The following ZFP82 variants were observed in gnomAD, a reference collection of about 807,000 sequenced individuals.
ZFP82 encodes the protein ZFP82 zinc finger protein, also known as zinc finger protein 82 homolog.
A neutral mutation model predicts 54.0 loss-of-function variants in ZFP82; 30 were observed. That is an observed-to-expected ratio of 0.56 (90% CI 0.42 to 0.75). The LOEUF is 0.75. Ranked by LOEUF, ZFP82 falls within the 30% of genes least tolerant of loss-of-function variation. ZFP82 has a pLI of 0.00. For synonymous variants in ZFP82, 194 were observed against 209.5 expected (o/e 0.93, Z 0.64); for missense variants, 500 against 636.8 (o/e 0.79, Z 2.31).
intron 4 of ZFP82, among the ~76,000 whole-genome samples, chr19:36,396,305 C>T (rs1200926943): frequency 1.3e-5 from 2 of 152,016 alleles, no homozygotes; most frequent in Non-Finnish European, 2.9e-5. Flanking sequence ...TCTCTTCAGC[C>T]CAGGAGTTCA....
At chr19:36,403,981 T>A (rs1002782471) in intron 4 of ZFP82, among the ~76,000 whole-genome samples, 1 of 152,212 alleles carries the variant, frequency 6.6e-6, no homozygotes, top group Admixed American at 6.5e-5. Context: ...CCAGCACACA[T>A]CTCCATCCCC....
chr19:36,395,236 TGAG>T (rs1014412458), intron 4 of ZFP82: 9 of 152,206 alleles, frequency 5.9e-5, no homozygotes, highest in African/African-American at 2.2e-4. Flanking sequence ...GCAAAGGTAT[TGAG>T]GAGTTCTACC....
rs987832155 is a variant in ZFP82 at position 36,393,671 on chromosome 19, T to G, written c.669A>C (p.Glu223Asp). 1.9e-6 allele frequency: 3 copies of G among 1,613,950 alleles called. No individual in the cohort carries two copies. The African/African-American group carries it at 4.0e-5, about 22-fold the overall frequency. The change falls in exon 5 of 5, where the codon GAA becomes GAC. Residue 223 changes from glutamate (E) to aspartate (D), a missense_variant. Physicochemically the swap from Glu to Asp is conservative, Grantham distance 45. Transcript: ENST00000392161. ...CACATTCCTTACATTCATAGAGTTT[T>G]TCACCAGAATGAAGTCTCTGATGTC... ...LTRHQRLHSG[E>D]KLYECKECGE...
At chr19:36,387,283 T>A, downstream of ZFP82, among the ~76,000 whole-genome samples, 1 of 152,142 alleles carries the variant, frequency 6.6e-6, no homozygotes, top group Admixed American at 6.5e-5. Flanking sequence ...ACGCTATAGT[T>A]TGAATGTGTC....
chr19:36,414,054 C>T (rs12979121), intron 1 of ZFP82, among the ~76,000 whole-genome samples: 7,816 of 151,996 alleles, frequency 0.051, 241 homozygotes, highest in Non-Finnish European at 0.066. Flanking sequence ...GTGCCCGCCA[C>T]CACGCCCGGC....
intron 4 of ZFP82, among the ~76,000 whole-genome samples, chr19:36,404,271 C>G (rs1044201158): frequency 6.6e-6 from 1 of 152,174 alleles, no homozygotes; most frequent in Non-Finnish European, 1.5e-5. Context: ...CATGGCAGGA[C>G]AGAAGGCTGG....
intron 1 of ZFP82, among the ~76,000 whole-genome samples, chr19:36,411,548 G>A (rs979789185): frequency 5.3e-5 from 8 of 152,024 alleles, no homozygotes; most frequent in Admixed American, 5.2e-4. Flanking sequence ...ATTCTACTTT[G>A]GGGATTAAAA....
At chr19:36,387,517 CAAG>C (rs1447786734), downstream of ZFP82, among the ~76,000 whole-genome samples, 1 of 152,152 alleles carries the variant, frequency 6.6e-6, no homozygotes, top group African/African-American at 2.4e-5. Context: ...GATGACGCAG[CAAG>C]AAGGTCCTTA....
chr19:36,411,119 G>GA (rs374764745), intron 1 of ZFP82, among the ~76,000 whole-genome samples: 2 of 41,834 alleles, frequency 4.8e-5, no homozygotes, highest in South Asian at 2.2e-3. Context: ...CTTGGACCTA[G>GA]GGGGGCGGAG....
intron 4 of ZFP82, chr19:36,394,965 TA>T (rs1233434859): frequency 6.6e-6 from 1 of 152,248 alleles, no homozygotes; most frequent in African/African-American, 2.4e-5. Flanking sequence ...GCTAAGCATA[TA>T]ATAGGTTTTA....
intron 1 of ZFP82, among the ~76,000 whole-genome samples, chr19:36,411,801 C>T (rs959593776): frequency 5.4e-5 from 8 of 148,218 alleles, no homozygotes. Flanking sequence ...GGAGGCGGAG[C>T]TTGCAGTGAG....
downstream of ZFP82, among the ~76,000 whole-genome samples, chr19:36,387,766 C>A (rs921563021): frequency 3.9e-5 from 6 of 152,174 alleles, no homozygotes; most frequent in African/African-American, 1.4e-4. Flanking sequence ...AGGCATGCGC[C>A]ACCATGCCTG....
At chr19:36,405,057 G>A (rs896729578) in intron 4 of ZFP82, among the ~76,000 whole-genome samples, 7 of 151,904 alleles carry the variant, frequency 4.6e-5, no homozygotes, top group East Asian at 1.9e-4. Flanking sequence ...GGTGGCACAC[G>A]CCCGTAAACC....
intron 4 of ZFP82, among the ~76,000 whole-genome samples, chr19:36,402,093 C>G (rs1422251456): frequency 6.6e-6 from 1 of 152,208 alleles, no homozygotes; most frequent in Non-Finnish European, 1.5e-5. Context: ...TGGATATTAT[C>G]TTATTCACTT....
rs1427003145 is a variant in ZFP82, at chr19:36,393,984, T to C, written c.356A>G (p.Asn119Ser). The C allele has an allele frequency of 7.4e-6, 12 of 1,613,416 alleles. No individual in the cohort carries two copies. Among genetic ancestry groups the C allele is most frequent in the Non-Finnish European group, 8.5e-7 (1 of 1,179,808 alleles). The change falls in exon 5 of 5, where the codon AAT becomes AGT. Residue 119 changes from asparagine to serine, a missense_variant. Transcript: ENST00000392161. ...AATTTTTCCTGTGGATTCCCAATCA[T>C]TTTTTAAAATGAGACCCTTAAGGCC... Reference protein sequence around the residue: ...NHGLKGLILKNDWESTGKIEG... With the variant: ...NHGLKGLILKSDWESTGKIEG...
chr19:36,408,422 T>C (rs966809487), intron 2 of ZFP82, among the ~76,000 whole-genome samples: 1 of 152,166 alleles, frequency 6.6e-6, no homozygotes, highest in Non-Finnish European at 1.5e-5. Context: ...CCCTACAATA[T>C]CTTTATCTTA....
intron 1 of ZFP82, among the ~76,000 whole-genome samples, chr19:36,413,439 T>C (rs774813237): frequency 6.6e-6 from 1 of 152,076 alleles, no homozygotes; most frequent in African/African-American, 2.4e-5. Context: ...TACGACAACC[T>C]GAAATCAAAT....
Position 36,408,078 on chromosome 19 carries a change from AAAG to A in ZFP82, c.10-68_10-66del, listed in dbSNP as rs1200363646. 8 of 1,567,496 alleles carry A rather than the reference AAAG, an allele frequency of 5.1e-6. No homozygotes were observed. The Admixed American group carries it at 1.2e-4, about 24-fold the overall frequency. ...AAATGTATTTTAAGGTAGAAGGAGA[AAAG>A]AAGGAAGAGATATTGCAGGAAGTGG... On this transcript the variant is annotated intron_variant, in intron 2 of 4. Transcript: ENST00000392161.
chr19:36,396,863 A>G (rs541749794), intron 4 of ZFP82, among the ~76,000 whole-genome samples: 1 of 151,814 alleles, frequency 6.6e-6, no homozygotes. Flanking sequence ...AAAAAAATTA[A>G]GCCTACATTT....
Sources: gnomAD v4.1 joint callset for allele counts (sites outside exome capture counted in the v4.1 genomes callset) on GRCh38, gnomAD v4.1.1 for gene constraint, MANE v1.5 for transcripts, NCBI Gene and HGNC (gene_info 2026-07-23, HGNC 2026-07-21) for gene names.